Variants in VPS13B observed in about 807,000 individuals in gnomAD.
VPS13B encodes vacuolar protein sorting 13 homolog B, also known as intermembrane lipid transfer protein VPS13B.
In VPS13B, 285 loss-of-function variants were observed where a neutral mutation model predicts 426.4. That is an observed-to-expected ratio of 0.67 (90% CI 0.61 to 0.74). VPS13B has a LOEUF of 0.74. Among genes scored for constraint, VPS13B ranks in the 30% least tolerant of loss-of-function variants. The pLI is 0.00. For missense variants in VPS13B, 4,537 were observed against 4,782.6 expected (o/e 0.95, Z 1.51); for synonymous variants, 1,676 against 1,676.4 (o/e 1.00, Z 0.01).
chr8:99,674,756 C>T (rs1489431402), intron 35 of VPS13B, among the ~76,000 whole-genome samples: 1 of 151,872 alleles, frequency 6.6e-6, no homozygotes, highest in Non-Finnish European at 1.5e-5. Context: ...TATCATGAGG[C>T]ATATCAAAAA....
chr8:99,861,727 C>A, intron 57 of VPS13B, 49 bp from the exon 58 acceptor site: 1 of 1,561,088 alleles, frequency 6.4e-7, no homozygotes, highest in African/African-American at 1.4e-5. Flanking sequence ...GCCTTGGGGT[C>A]CATCATGTAT....
intron 21 of VPS13B, among the ~76,000 whole-genome samples, chr8:99,410,877 T>C (rs922191121): frequency 3.9e-5 from 6 of 152,136 alleles, no homozygotes; most frequent in African/African-American, 1.4e-4. Context: ...TCCATGTCCC[T>C]GCAAAGGACA....
At chr8:99,335,108 T>G (rs995114559) in intron 19 of VPS13B, among the ~76,000 whole-genome samples, 14 of 152,198 alleles carry the variant, frequency 9.2e-5, no homozygotes, top group African/African-American at 2.9e-4. Context: ...GTTGAGGAAT[T>G]TATCCATTTC....
chr8:99,696,651 C>G (rs969419390), intron 35 of VPS13B: 2 of 710,996 alleles, frequency 2.8e-6, no homozygotes, highest in African/African-American at 3.5e-5. Flanking sequence ...AGAGTTCCTC[C>G]AGGACACCAT....
At chr8:99,354,889 C>T (rs1812098783) in intron 19 of VPS13B, among the ~76,000 whole-genome samples, 1 of 151,930 alleles carries the variant, frequency 6.6e-6, no homozygotes. Context: ...AGCTCTGATT[C>T]GGGCAACACT....
chr8:99,180,254 C>T (rs1465854673), intron 16 of VPS13B, among the ~76,000 whole-genome samples: 3 of 152,156 alleles, frequency 2.0e-5, no homozygotes, highest in Non-Finnish European at 4.4e-5. Flanking sequence ...AATACTAGCA[C>T]CACTTTTTGG....
intron 24 of VPS13B, among the ~76,000 whole-genome samples, chr8:99,475,321 C>A (rs1819632349): frequency 6.6e-6 from 1 of 152,112 alleles, no homozygotes; most frequent in Admixed American, 6.6e-5. Flanking sequence ...TTAGTGGTAG[C>A]TCAGTCTCTC....
intron 40 of VPS13B, among the ~76,000 whole-genome samples, chr8:99,772,958 CA>C (rs1811583710): frequency 6.6e-6 from 1 of 152,110 alleles, no homozygotes. Flanking sequence ...AGATGAATGC[CA>C]GTATGCTGTT....
chr8:99,445,124 CAAGT>C (rs1448855406), intron 23 of VPS13B, among the ~76,000 whole-genome samples: 2 of 151,574 alleles, frequency 1.3e-5, no homozygotes, highest in African/African-American at 4.8e-5. Flanking sequence ...ACATGATTTG[CAAGT>C]ATTTTCTCCT....
intron 17 of VPS13B, among the ~76,000 whole-genome samples, chr8:99,225,190 A>G (rs901645538): frequency 1.3e-5 from 2 of 152,214 alleles, no homozygotes; most frequent in Non-Finnish European, 2.9e-5. Context: ...AGCCCAGAAC[A>G]TCTTCCTGAA....
chr8:99,160,675 T>C (rs1237533240), intron 15 of VPS13B, among the ~76,000 whole-genome samples: 1 of 137,776 alleles, frequency 7.3e-6, no homozygotes, highest in Non-Finnish European at 1.6e-5. Flanking sequence ...AAAAAAAAGG[T>C]ACTAAAAAAG....
In VPS13B at chr8:99,870,905, C is replaced by A; in HGVS notation, c.11495+18C>A. 1 of 1,608,062 alleles carries A rather than the reference C, an allele frequency of 6.2e-7. No individual in the cohort carries two copies. Among genetic ancestry groups the A allele is most frequent in the South Asian group, 1.1e-5 (1 of 90,952 alleles). ...TATGTCTGGTAAAATTATTGAGATA[C>A]GTGCTCAACTTTACATCCATATTGT... On this transcript the variant is annotated intron_variant, in intron 60 of 61. Transcript: ENST00000357162.
In VPS13B at chr8:99,507,066, A is replaced by G. The variant is rs1207422155; in HGVS notation, c.4158-71A>G. The G allele has an allele frequency of 3.3e-6, 5 of 1,524,870 alleles. No individual in the cohort carries two copies. The Admixed American group carries it at 5.0e-5, about 15-fold the overall frequency. The allele number at this position is 1,524,870 out of a possible 1,614,324, so 94.5% of individuals were successfully genotyped here. A position where few individuals can be genotyped will look rare whatever the true frequency, so the allele number is the denominator to read the frequency against. On this transcript the variant is annotated intron_variant, in intron 27 of 61. Transcript: ENST00000357162. ...TGTGAACTTTAGACTTATTTGAAAT[A>G]GTTATGTATGTTCAATTTCTTAACT...
intron 17 of VPS13B, among the ~76,000 whole-genome samples, chr8:99,249,688 G>T (rs1817403820): frequency 6.6e-6 from 1 of 152,138 alleles, no homozygotes; most frequent in South Asian, 2.1e-4. Context: ...CTCCCAAAGT[G>T]CTGGGATTAC....
chr8:99,315,406 G>C (rs1052543883), intron 19 of VPS13B, among the ~76,000 whole-genome samples: 8 of 149,552 alleles, frequency 5.3e-5, no homozygotes, highest in African/African-American at 1.2e-4. Context: ...TTTTTCTTGT[G>C]CTTCATTTAG....
At position 99,778,774 on chromosome 8, in the gene VPS13B, T is replaced by C. The variant is rs1811867157; in HGVS notation, c.7522T>C (p.Tyr2508His). The C allele has an allele frequency of 6.2e-7, 1 of 1,613,884 alleles. No homozygotes were observed. Among genetic ancestry groups the C allele is most frequent in the Non-Finnish European group, 8.5e-7 (1 of 1,179,924 alleles). Residue 2508 changes from tyrosine to histidine, a missense_variant, in exon 42 of 62, where the codon TAT (tyrosine) becomes CAT (histidine). Tyr to His is a moderately conservative substitution (Grantham distance 83). Around this residue, in one of 2 missense-constraint regions of VPS13B, gnomAD observed 4,311 missense variants for 4,474.3 expected, o/e 0.96. Coordinates refer to ENST00000357162, the MANE Select transcript of VPS13B (RefSeq NM_152564.5). The part of the protein sequence containing the change: ...MIVSFREPHM[Y>H]LRQWNNGSVC... ...TGTTTCCTTCAGAGAACCACACATG[T>C]ATCTTCGACAGTGGAATAATGGTTC...
intron 16 of VPS13B, among the ~76,000 whole-genome samples, chr8:99,186,106 A>T (rs1813206484): frequency 6.6e-6 from 1 of 152,128 alleles, no homozygotes; most frequent in Non-Finnish European, 1.5e-5. Context: ...CTATTCTGTA[A>T]AATGAACATA....
rs1437933419 is a variant in VPS13B at position 99,275,128 on chromosome 8, G to A, written c.2698G>A (p.Asp900Asn). 2.5e-6 allele frequency: 4 copies of A among 1,611,580 alleles called. No individual in the cohort carries two copies. The highest frequency in any genetic ancestry group is 1.3e-5 in the African/African-American group (1 of 74,666). Residue 900 changes from aspartate to asparagine, a missense_variant, in exon 19 of 62, where the codon GAC becomes AAC. Coordinates refer to ENST00000357162, the MANE Select transcript of VPS13B (RefSeq NM_152564.5). Reference protein sequence around the residue: ...KLIPLLQGPSDTKDLHSTKWL... With the variant: ...KLIPLLQGPSNTKDLHSTKWL... The stretch of plus-strand genomic sequence containing the variant: ...GATTCCCTTGCTTCAGGGTCCTTCT[G>A]ACACTAAAGACCTTCATAGCACCAA...
intron 45 of VPS13B, 96 bp from the exon 46 acceptor site, chr8:99,818,355 C>CT: frequency 7.8e-7 from 1 of 1,280,396 alleles, no homozygotes. Context: ...ACTTTAAACT[C>CT]TTTTTAATCT....
Sources: allele counts gnomAD v4.1 joint callset (sites outside exome capture counted in the v4.1 genomes callset), GRCh38; gene constraint gnomAD v4.1.1; regional missense constraint gnomAD v4.1.1; transcripts MANE v1.5; gene names NCBI Gene and HGNC (gene_info 2026-07-23, HGNC 2026-07-21).